Variants in DSCAML1 observed in about 807,000 individuals in gnomAD.
The protein encoded by DSCAML1 is DS cell adhesion molecule like 1, also known as cell adhesion molecule DSCAML1.
DSCAML1 carries 38 observed loss-of-function variants against 200.5 expected under a neutral mutation model. The observed-to-expected ratio is 0.19, with a 90% CI of 0.15 to 0.25. The LOEUF is 0.25. DSCAML1 is among the 10% of genes least tolerant of loss of function. The pLI is 1.00. For synonymous variants in DSCAML1, 1,215 were observed against 1,165.0 expected (o/e 1.04, Z -0.87); for missense variants, 2,223 against 2,858.8 (o/e 0.78, Z 5.07).
intron 3 of DSCAML1, among the ~76,000 whole-genome samples, chr11:117,733,576 C>T (rs1282851788): frequency 6.6e-6 from 1 of 152,168 alleles, no homozygotes. Context: ...GTCAGGCCTG[C>T]GGTCCCTCGA....
In DSCAML1 at chr11:117,439,348, C is replaced by A. The variant is rs1437366411; in HGVS notation, c.4062G>T (p.Lys1354Asn). Residue 1354 changes from lysine to asparagine, a missense_variant, in exon 23 of 33, where the codon AAG (lysine) becomes AAT (asparagine). Transcript: ENST00000651296. Reference sequence around the variant, plus strand: ...ACGTGTAGTAGCCAGAGTCCTCAGCCTTCACTGCACGCAGCAGCAGTGTGC... The same window carrying A: ...ACGTGTAGTAGCCAGAGTCCTCAGCATTCACTGCACGCAGCAGCAGTGTGC... ...TNGTLLLRAV[K>N]AEDSGYYTCT... The A allele has an allele frequency of 6.2e-7, 1 of 1,614,078 alleles. No homozygotes were observed. Among genetic ancestry groups the A allele is most frequent in the Admixed American group, 1.7e-5 (1 of 60,018 alleles).
chr11:117,651,645 G>A (rs1346371692), intron 3 of DSCAML1, among the ~76,000 whole-genome samples: 11 of 148,182 alleles, frequency 7.4e-5, no homozygotes, highest in Non-Finnish European at 1.5e-5. Context: ...CCAGGAGGTG[G>A]AGCTTGCAGT....
chr11:117,603,133 C>A (rs2051497657), intron 3 of DSCAML1, among the ~76,000 whole-genome samples: 1 of 152,104 alleles, frequency 6.6e-6, no homozygotes, highest in South Asian at 2.1e-4. Flanking sequence ...AAACCCAAAC[C>A]AATCAGAGAC....
At chr11:117,629,443 T>G (rs1591339459) in intron 3 of DSCAML1, among the ~76,000 whole-genome samples, 2 of 150,692 alleles carry the variant, frequency 1.3e-5, no homozygotes. Context: ...GGGGGATGGG[T>G]GCACATGGGG....
intron 3 of DSCAML1, among the ~76,000 whole-genome samples, chr11:117,662,890 C>G (rs895128165): frequency 5.3e-5 from 8 of 152,122 alleles, no homozygotes; most frequent in Non-Finnish European, 1.5e-5. Flanking sequence ...TAACAAGCTC[C>G]CCAGATGATT....
intron 3 of DSCAML1, among the ~76,000 whole-genome samples, chr11:117,621,528 G>A (rs2051929651): frequency 6.6e-6 from 1 of 152,186 alleles, no homozygotes; most frequent in Admixed American, 6.5e-5. Flanking sequence ...AGTGAAGCCA[G>A]GGGATTCTGA....
At chr11:117,771,424 G>A (rs1406771826) in intron 3 of DSCAML1, among the ~76,000 whole-genome samples, 2 of 152,150 alleles carry the variant, frequency 1.3e-5, no homozygotes, top group African/African-American at 2.4e-5. Flanking sequence ...TGGCTGTTTC[G>A]TTCACTGGTC....
intron 3 of DSCAML1, among the ~76,000 whole-genome samples, chr11:117,676,235 G>A (rs925235303): frequency 1.3e-5 from 2 of 152,108 alleles, no homozygotes. Flanking sequence ...AGATAGCAGA[G>A]TTTTTACAAT....
intron 3 of DSCAML1, among the ~76,000 whole-genome samples, chr11:117,749,117 A>T (rs1409551502): frequency 6.6e-6 from 1 of 152,122 alleles, no homozygotes; most frequent in Non-Finnish European, 1.5e-5. Flanking sequence ...GATGCAGAGG[A>T]CGAAAGGATG....
Position 117,503,427 on chromosome 11 carries a change from C to A in DSCAML1, c.2359+418G>T, listed in dbSNP as rs952537816. On this transcript the variant is annotated intron_variant, in intron 11 of 32. Coordinates refer to ENST00000651296, the MANE Select transcript of DSCAML1 (RefSeq NM_020693.4). This position sits in a 1 kb window ranked among gnomAD's most constrained non-coding sequence, Gnocchi z 5.2. Reference sequence around the variant, plus strand: ...AACCCAGGTTTTCTGACCTATAGCCCCTTCTTCTACATTGTGTATATGCTA... The same window carrying A: ...AACCCAGGTTTTCTGACCTATAGCCACTTCTTCTACATTGTGTATATGCTA... Among the ~76,000 whole-genome samples, 9 of 152,148 alleles carry A rather than the reference C, an allele frequency of 5.9e-5. No homozygotes were observed. The highest frequency in any genetic ancestry group is 1.2e-4 in the Non-Finnish European group (8 of 68,022).
chr11:117,788,157 A>G (rs2055395457), intron 1 of DSCAML1, among the ~76,000 whole-genome samples: 1 of 152,194 alleles, frequency 6.6e-6, no homozygotes, highest in African/African-American at 2.4e-5. Flanking sequence ...AGGCAGCCTG[A>G]GCTGGTATGG....
At chr11:117,735,901 G>C (rs971057862) in intron 3 of DSCAML1, among the ~76,000 whole-genome samples, 2 of 152,152 alleles carry the variant, frequency 1.3e-5, no homozygotes, top group Non-Finnish European at 2.9e-5. Context: ...CCAGCACCCA[G>C]CTAAGGGGCA....
intron 19 of DSCAML1, among the ~76,000 whole-genome samples, chr11:117,451,814 C>CAAA (rs10579506): frequency 2.7e-5 from 4 of 148,354 alleles, no homozygotes; most frequent in African/African-American, 9.9e-5. Context: ...GACTCCGTCT[C>CAAA]AAAAAAAAAA....
chr11:117,462,830 G>A (rs1393075632), intron 17 of DSCAML1, among the ~76,000 whole-genome samples: 1 of 152,210 alleles, frequency 6.6e-6, no homozygotes, highest in Admixed American at 6.5e-5. Flanking sequence ...AGGCTAACGA[G>A]GGCCTTAATT....
Position 117,439,304 on chromosome 11 carries a change from C to G in DSCAML1, c.4106G>C (p.Gly1369Ala), listed in dbSNP as rs1401086926. ...GYYTCTATNT[G>A]GFDTIIVNLL... The stretch of plus-strand genomic sequence containing the variant: ...GTTGACGATGATGGTGTCAAAGCCA[C>G]CAGTGTTGGTGGCCGTGCACGTGTA... Residue 1369 changes from glycine (G) to alanine (A), a missense_variant, in exon 23 of 33, where the codon GGT (glycine) becomes GCT (alanine). Gly to Ala is a moderately conservative substitution (Grantham distance 60, BLOSUM62 0). Around this residue, in one of 7 missense-constraint regions of DSCAML1, gnomAD observed 614 missense variants for 739.1 expected, o/e 0.83. Coordinates refer to ENST00000651296, the MANE Select transcript of DSCAML1 (RefSeq NM_020693.4). 3 of 1,614,000 alleles carry G rather than the reference C, an allele frequency of 1.9e-6. No homozygotes were observed. The highest frequency in any genetic ancestry group is 2.7e-5 in the African/African-American group (2 of 74,932).
intron 11 of DSCAML1, among the ~76,000 whole-genome samples, chr11:117,485,244 C>T (rs2049021654): frequency 6.6e-6 from 1 of 152,218 alleles, no homozygotes; most frequent in South Asian, 2.1e-4. Context: ...TTCTAGTCAG[C>T]TTTGTTCAGC....
chr11:117,592,325 G>A (rs915721112), intron 3 of DSCAML1, among the ~76,000 whole-genome samples: 5 of 152,134 alleles, frequency 3.3e-5, no homozygotes, highest in African/African-American at 1.2e-4. Context: ...TTGCAGTGTC[G>A]CCAGTCTGCC....
At chr11:117,811,831 A>T (rs146780700) in intron 1 of DSCAML1, among the ~76,000 whole-genome samples, 2,112 of 152,136 alleles carry the variant, frequency 0.014, 46 homozygotes, top group African/African-American at 0.048. Flanking sequence ...GTGTAAGTCC[A>T]TCCCCTTCTT....
intron 11 of DSCAML1, among the ~76,000 whole-genome samples, chr11:117,497,796 C>T (rs934484888): frequency 2.6e-5 from 4 of 152,232 alleles, no homozygotes; most frequent in African/African-American, 9.6e-5. Flanking sequence ...GGTGATGGCT[C>T]CCAAATCCCA....
Sources: allele counts gnomAD v4.1 joint callset (sites outside exome capture counted in the v4.1 genomes callset), GRCh38; gene constraint gnomAD v4.1.1; regional missense constraint gnomAD v4.1.1; non-coding constraint Gnocchi (gnomAD v3.1); transcripts MANE v1.5; gene names NCBI Gene and HGNC (gene_info 2026-07-23, HGNC 2026-07-21).